Variants in CEP152 observed in about 807,000 individuals in gnomAD.
CEP152 encodes centrosomal protein of 152 kDa.
A neutral mutation model predicts 188.9 loss-of-function variants in CEP152; 132 were observed. That is an observed-to-expected ratio of 0.70 (90% confidence interval 0.61 to 0.81). CEP152 has a LOEUF of 0.81. Ranked by LOEUF, CEP152 falls within the 30% of genes least tolerant of loss-of-function variation. The probability of loss-of-function intolerance (pLI) is 0.00; values close to 1 mark genes in which losing one functional copy is unlikely to be tolerated. For synonymous variants in CEP152, 649 were observed against 666.6 expected (o/e 0.97, Z 0.41); for missense variants, 1,914 against 1,969.8 (o/e 0.97, Z 0.54).
At chr15:48,764,412 A>G (rs879743973) in intron 17 of CEP152, among the ~76,000 whole-genome samples, 3 of 152,118 alleles carry the variant, frequency 2.0e-5, no homozygotes, top group African/African-American at 7.2e-5. Context: ...ACAAAATTCA[A>G]ATAAACATCT....
In CEP152 at chr15:48,740,985, C is replaced by T. The variant is rs144876938; in HGVS notation, c.4093+616G>A. 2,898 of 955,260 alleles carry T rather than the reference C, an allele frequency of 3.0e-3. 9 individuals carry two copies. The highest frequency in any genetic ancestry group is 3.4e-3 in the Non-Finnish European group (2,715 of 802,710). The allele number at this position is 955,260 out of a possible 1,614,324, so 59.2% of individuals were successfully genotyped here. The stretch of plus-strand genomic sequence containing the variant: ...CCTCTATTTCTCCTGGAACATATCA[C>T]CCTCATATGTGGAACAGTTTTGATA... On this transcript the variant is annotated intron_variant, in intron 26 of 26. Coordinates refer to ENST00000380950, the MANE Select transcript of CEP152 (RefSeq NM_001194998.2).
chr15:48,744,427 T>G (rs1186095350), intron 23 of CEP152, 84 bp from the exon 24 acceptor site: 1 of 1,560,154 alleles, frequency 6.4e-7, no homozygotes, highest in African/African-American at 1.4e-5. Context: ...CCATATACTC[T>G]AATAAAGTTA....
At chr15:48,732,107 T>C (rs1039001733) in intron 2 of CEP152, among the ~76,000 whole-genome samples, 3 of 152,202 alleles carry the variant, frequency 2.0e-5, no homozygotes, top group Admixed American at 1.3e-4. Flanking sequence ...AGTTCAACCA[T>C]TGTGGAAGAC....
chr15:48,760,962 A>C (rs1325649051), intron 18 of CEP152, among the ~76,000 whole-genome samples: 1 of 152,156 alleles, frequency 6.6e-6, no homozygotes, highest in East Asian at 1.9e-4. Context: ...ATTTCTCGTT[A>C]AAGTGCTAAA....
At chr15:48,807,575 A>G (rs1490736094) in intron 1 of CEP152, among the ~76,000 whole-genome samples, 1 of 152,086 alleles carries the variant, frequency 6.6e-6, no homozygotes, top group Non-Finnish European at 1.5e-5. Flanking sequence ...AAAAAAAAAA[A>G]AAAAGAGATG....
chr15:48,760,411 T>C, intron 18 of CEP152, 145 bp from the exon 19 acceptor site: 1 of 917,758 alleles, frequency 1.1e-6, no homozygotes, highest in Non-Finnish European at 1.7e-6. Flanking sequence ...ACCCTACCTA[T>C]CCCAAACAGT....
intron 22 of CEP152, 22 bp from the exon 23 acceptor site, chr15:48,745,014 A>G: frequency 6.5e-7 from 1 of 1,536,968 alleles, no homozygotes; most frequent in Non-Finnish European, 8.8e-7. Context: ...AGTTTATAGT[A>G]TATTAGACAG....
rs1371333663 is a variant in CEP152 at position 48,738,511 on chromosome 15, T to C, written c.4871A>G (p.Asn1624Ser). 1 of 1,614,214 alleles carries C rather than the reference T, an allele frequency of 6.2e-7. No individual in the cohort carries two copies. ...SGYLSDTEESNMICQTMKCQR... is the reference protein window; with the variant it reads ...SGYLSDTEESSMICQTMKCQR... ...ACATTTCATTGTTTGACAAATCATA[T>C]TACTTTCCTCTGTATCTGAAAGATA... Residue 1624 changes from asparagine (N) to serine (S), a missense_variant, in exon 27 of 27, where the codon AAT becomes AGT. By Grantham distance (46) the Asn-to-Ser change is conservative. Coordinates refer to ENST00000380950, the MANE Select transcript of CEP152 (RefSeq NM_001194998.2).
In CEP152 at chr15:48,768,334, C is replaced by A; in HGVS notation, c.1909-6G>T. 6.9e-7 allele frequency: 1 copy of A among 1,457,210 alleles called. No homozygotes were observed. The highest frequency in any genetic ancestry group is 9.6e-7 in the Non-Finnish European group (1 of 1,037,638). 90.3% of individuals were successfully genotyped at this position (1,457,210 alleles called of 1,614,324 possible). A position where few individuals can be genotyped will look rare whatever the true frequency, so the allele number is the denominator to read the frequency against. ...CCTTCAGTTTCTTTAAGTTCCTAGACACAAAAGAATAAACTTAGTACTTAC... is the reference window on the plus strand; with the variant it reads ...CCTTCAGTTTCTTTAAGTTCCTAGAAACAAAAGAATAAACTTAGTACTTAC... On this transcript the variant is annotated splice_region_variant and splice_polypyrimidine_tract_variant and intron_variant, in intron 14 of 26. Coordinates refer to ENST00000380950, the MANE Select transcript of CEP152 (RefSeq NM_001194998.2).
intron 12 of CEP152, among the ~76,000 whole-genome samples, chr15:48,778,879 G>A (rs999316895): frequency 4.6e-5 from 7 of 151,592 alleles, no homozygotes; most frequent in African/African-American, 1.7e-4. Context: ...AACCTGGGAG[G>A]TGGAGGTTGC....
rs376667855 is a variant in CEP152 at position 48,752,458 on chromosome 15, G to A, written c.3357C>T (p.Ala1119=). ...GGCTGGCAGAATCCTTAGAGAGCTC[G>A]GCCATATTTCTCTGAAATAAAGTAT... ...ADPEWKKRNM[A]ELSKDSASQG... is the part of the protein sequence containing the mutation. The change falls in exon 21 of 27, where the codon GCC becomes GCT. Residue 1119 remains alanine, a synonymous_variant. Transcript: ENST00000380950. 78 of 1,613,296 alleles carry A rather than the reference G, an allele frequency of 4.8e-5. No homozygotes were observed. The highest frequency in any genetic ancestry group is 6.3e-5 in the Non-Finnish European group (74 of 1,179,980).
chr15:48,775,460 C>T (rs1273827160), intron 12 of CEP152, among the ~76,000 whole-genome samples: 4 of 152,108 alleles, frequency 2.6e-5, no homozygotes, highest in African/African-American at 7.2e-5. Context: ...CAATGAATTT[C>T]TTCACAGAAA....
In CEP152 at chr15:48,756,355, G is replaced by C. The variant is rs760293424; in HGVS notation, c.2893C>G (p.Gln965Glu). The C allele has an allele frequency of 1.9e-6, 3 of 1,575,830 alleles. No homozygotes were observed. In the East Asian group the frequency reaches 6.7e-5, roughly 35 times the overall value. Reference sequence around the variant, plus strand: ...TCTTGGATTCTGTGGATTTCTTCTTGCTTTTCTTTGTTCCATTCACTCCGA... The same window carrying C: ...TCTTGGATTCTGTGGATTTCTTCTTCCTTTTCTTTGTTCCATTCACTCCGA... ...KARSEWNKEK[Q>E]EEIHRIQEQN... Residue 965 changes from glutamine to glutamate, a missense_variant, in exon 20 of 27, where the codon CAA becomes GAA. Coordinates refer to ENST00000380950, the MANE Select transcript of CEP152 (RefSeq NM_001194998.2).
At chr15:48,775,578 G>A (rs1895837821) in intron 12 of CEP152, among the ~76,000 whole-genome samples, 1 of 152,046 alleles carries the variant, frequency 6.6e-6, no homozygotes, top group African/African-American at 2.4e-5. Flanking sequence ...TTTCATAAAA[G>A]GAAACAGACT....
intron 7 of CEP152, among the ~76,000 whole-genome samples, chr15:48,791,904 TC>T: frequency 6.6e-6 from 1 of 152,130 alleles, no homozygotes; most frequent in South Asian, 2.1e-4. Context: ...CAGAACTACT[TC>T]CTTTAAAACT....
intron 9 of CEP152, among the ~76,000 whole-genome samples, chr15:48,785,984 G>C (rs1896606784): frequency 1.3e-5 from 2 of 151,800 alleles, no homozygotes; most frequent in Admixed American, 6.6e-5. Context: ...AAAAGAACTG[G>C]ACAGGGTTCT....
chr15:48,781,419 A>T (rs1418586154), intron 11 of CEP152, 60 bp from the exon 12 acceptor site: 9 of 1,406,534 alleles, frequency 6.4e-6, no homozygotes, highest in Non-Finnish European at 7.9e-6. Flanking sequence ...GTAATCAGTC[A>T]TTCTGTTTCA....
At chr15:48,808,848 A>G (rs1448679078) in intron 1 of CEP152, among the ~76,000 whole-genome samples, 1 of 152,324 alleles carries the variant, frequency 6.6e-6, no homozygotes. Flanking sequence ...AAAATTTTCT[A>G]TATCTATTGA....
At chr15:48,788,736 A>G in intron 9 of CEP152, 65 bp downstream of exon 9, 12 of 1,383,866 alleles carry the variant, frequency 8.7e-6, no homozygotes, top group Non-Finnish European at 1.2e-5. Flanking sequence ...ACCATAAAAT[A>G]TCAGTTACAA....
Sources: allele counts gnomAD v4.1 joint callset (sites outside exome capture counted in the v4.1 genomes callset), GRCh38; gene constraint gnomAD v4.1.1; transcripts MANE v1.5; gene names NCBI Gene and HGNC (gene_info 2026-07-23, HGNC 2026-07-21).